The following FGD6 variants were observed in gnomAD, a reference collection of about 807,000 sequenced individuals.
FGD6 encodes FYVE, RhoGEF and PH domain-containing protein 6.
FGD6 carries 90 observed loss-of-function variants against 149.4 expected under a neutral mutation model. The observed-to-expected ratio is 0.60, with a 90% CI of 0.51 to 0.72. The LOEUF (loss-of-function observed/expected upper bound fraction) is 0.72. Ranked by LOEUF, FGD6 falls within the 30% of genes least tolerant of loss-of-function variation. The pLI is 0.00. For synonymous variants in FGD6, 527 were observed against 584.0 expected (o/e 0.90, Z 1.41); for missense variants, 1,437 against 1,684.8 (o/e 0.85, Z 2.57).
intron 2 of FGD6, among the ~76,000 whole-genome samples, chr12:95,204,815 G>A (rs2056685311): frequency 2.0e-5 from 3 of 152,220 alleles, no homozygotes; most frequent in African/African-American, 7.2e-5. Context: ...AATATAACCT[G>A]CGGACTAAAC....
At chr12:95,084,436 C>A (rs1055080792) in intron 20 of FGD6, 62 bp downstream of exon 20, 2 of 1,396,068 alleles carry the variant, frequency 1.4e-6, no homozygotes, top group East Asian at 5.2e-5. Flanking sequence ...GGTCATTTTA[C>A]AAGCAACCAT....
chr12:95,170,763 A>C (rs1422566331), intron 3 of FGD6, among the ~76,000 whole-genome samples: 1 of 152,252 alleles, frequency 6.6e-6, no homozygotes, highest in African/African-American at 2.4e-5. Flanking sequence ...ATCTATGTCC[A>C]TGAAGCTGCA....
intron 5 of FGD6, among the ~76,000 whole-genome samples, chr12:95,147,896 C>T (rs1396536534): frequency 2.6e-5 from 4 of 152,104 alleles, no homozygotes; most frequent in African/African-American, 9.7e-5. Flanking sequence ...AGATGAACAT[C>T]ATTTAAGATC....
At chr12:95,153,954 A>T (rs34150274) in intron 3 of FGD6, among the ~76,000 whole-genome samples, 10,748 of 129,932 alleles carry the variant, frequency 0.083, 494 homozygotes, top group East Asian at 0.23. Flanking sequence ...TGTGAGTGAG[A>T]GAGAGAAGAG....
chr12:95,151,995 C>T (rs1012899537), intron 5 of FGD6, among the ~76,000 whole-genome samples: 1 of 152,082 alleles, frequency 6.6e-6, no homozygotes, highest in Admixed American at 6.6e-5. Context: ...TGCACCCTGA[C>T]ACATATCATA....
chr12:95,209,877 A>G lies in FGD6; in HGVS notation c.1407T>C (p.Ser469=). Residue 469 remains serine, a synonymous_variant, in exon 2 of 21, where the codon TCT becomes TCC. Transcript: ENST00000343958. ...LKLTCNEHLQ[S]GRNLGVSAPQ... is the part of the protein sequence containing the mutation. ...GGGCAGAAACTCCCAGGTTTCTCCC[A>G]GATTGCAAATGTTCATTGCAAGTTA... 6.2e-7 allele frequency: 1 copy of G among 1,613,244 alleles called. No homozygotes were observed. Among genetic ancestry groups the G allele is most frequent in the Non-Finnish European group, 8.5e-7 (1 of 1,179,882 alleles).
chr12:95,127,548 GA>G (rs993074241), intron 8 of FGD6, among the ~76,000 whole-genome samples: 10 of 151,934 alleles, frequency 6.6e-5, no homozygotes, highest in South Asian at 2.1e-4. Flanking sequence ...CATCTCAAAA[GA>G]AAAAAAGTCA....
chr12:95,197,515 G>T (rs979389286), intron 2 of FGD6, among the ~76,000 whole-genome samples: 13 of 152,164 alleles, frequency 8.5e-5, no homozygotes, highest in African/African-American at 2.9e-4. Context: ...CAACTAATTA[G>T]AGGGAACATA....
At chr12:95,217,124 C>T in intron 1 of FGD6, 101 bp downstream of exon 1, 1 of 1,550,932 alleles carries the variant, frequency 6.4e-7, no homozygotes, top group Non-Finnish European at 8.8e-7. Context: ...AGGTACGGGG[C>T]ACACAACTCG....
chr12:95,181,941 C>CA (rs767271799), intron 2 of FGD6, among the ~76,000 whole-genome samples: 28,082 of 101,240 alleles, frequency 0.28, 2,847 homozygotes, highest in African/African-American at 0.32. Flanking sequence ...GAGATTCTCT[C>CA]AAAAAAAAAA....
chr12:95,157,733 C>T (rs1222138617), intron 3 of FGD6, among the ~76,000 whole-genome samples: 1 of 152,168 alleles, frequency 6.6e-6, no homozygotes, highest in African/African-American at 2.4e-5. Flanking sequence ...AGCTCTCAAA[C>T]TCTACTGCTA....
At chr12:95,119,113 G>GATAATA (rs1222685607) in intron 8 of FGD6, among the ~76,000 whole-genome samples, 1 of 151,772 alleles carries the variant, frequency 6.6e-6, no homozygotes, top group African/African-American at 2.4e-5. Context: ...TGATGATGAT[G>GATAATA]ATAATAATAA....
At position 95,107,548 on chromosome 12, in the gene FGD6, C is replaced by T; in HGVS notation, c.3333+15G>A. The T allele has an allele frequency of 6.2e-7, 1 of 1,613,798 alleles. No homozygotes were observed. Among genetic ancestry groups the T allele is most frequent in the South Asian group, 1.1e-5 (1 of 91,076 alleles). On this transcript the variant is annotated intron_variant, in intron 12 of 20. Coordinates refer to ENST00000343958, the MANE Select transcript of FGD6 (RefSeq NM_018351.4). ...CCCTACCTCGGCCACATCAGAACTA[C>T]ACAAGTCCTCTTACCAGGAAAAACA...
At chr12:95,093,889 G>A (rs1878151753) in intron 15 of FGD6, among the ~76,000 whole-genome samples, 1 of 151,424 alleles carries the variant, frequency 6.6e-6, no homozygotes, top group African/African-American at 2.4e-5. Flanking sequence ...GCCAGGCACA[G>A]TGGCTCATGC....
At position 95,174,927 on chromosome 12, in the gene FGD6, C is replaced by CA. The variant is rs10687970; in HGVS notation, c.2442-2184dup. 1.4e-3 allele frequency among the ~76,000 whole-genome samples: 121 copies of CA among 84,638 alleles called. 2 individuals are homozygous for CA. Among genetic ancestry groups the CA allele is most frequent in the Admixed American group, 3.4e-3 (21 of 6,150 alleles). 55.5% of individuals were successfully genotyped at this position (84,638 alleles called of 152,430 possible). ...GGGCGACAGAGTGAGACTCCATCTC[C>CA]AAAAAAAAAAAAAAAAAAAAGAAAT... On this transcript the variant is annotated intron_variant, in intron 2 of 20. Coordinates refer to ENST00000343958, the MANE Select transcript of FGD6 (RefSeq NM_018351.4).
intron 8 of FGD6, among the ~76,000 whole-genome samples, chr12:95,117,310 T>C (rs1292608577): frequency 6.6e-6 from 1 of 152,184 alleles, no homozygotes; most frequent in Non-Finnish European, 1.5e-5. Context: ...CCAGGTGGCA[T>C]CACTGATTAA....
intron 9 of FGD6, among the ~76,000 whole-genome samples, chr12:95,110,754 T>C (rs1878793989): frequency 6.6e-6 from 1 of 152,120 alleles, no homozygotes; most frequent in African/African-American, 2.4e-5. Context: ...GAATTCCCGG[T>C]GGACAGGGGA....
chr12:95,081,509 A>G lies in FGD6; in HGVS notation c.*11T>C. The G allele has an allele frequency of 6.3e-7, 1 of 1,597,260 alleles. No individual in the cohort carries two copies. Among genetic ancestry groups the G allele is most frequent in the Non-Finnish European group, 8.5e-7 (1 of 1,171,574 alleles). ...CTCTTTGGAATCACAGAAGAGATGA[A>G]ACCAATACTGCTACAATATTGTGCC... On this transcript the variant is annotated 3_prime_UTR_variant, in exon 21 of 21. Transcript: ENST00000343958.
At chr12:95,205,061 A>G (rs980961558) in intron 2 of FGD6, among the ~76,000 whole-genome samples, 4 of 152,210 alleles carry the variant, frequency 2.6e-5, no homozygotes, top group African/African-American at 9.7e-5. Flanking sequence ...TGAGACCAGG[A>G]GTTCGAGACT....
Sources: allele counts gnomAD v4.1 joint callset (sites outside exome capture counted in the v4.1 genomes callset), GRCh38; gene constraint gnomAD v4.1.1; transcripts MANE v1.5; gene names NCBI Gene and HGNC (gene_info 2026-07-23, HGNC 2026-07-21).